Variants in NAP1L4 observed in about 807,000 individuals in gnomAD.
The protein encoded by NAP1L4 is nucleosome assembly protein 1 like 4, also known as nucleosome assembly protein 1-like 4.
In NAP1L4, 15 loss-of-function variants were observed where a neutral mutation model predicts 58.2. The observed-to-expected ratio is 0.26, with a 90% CI of 0.17 to 0.40. NAP1L4 has a LOEUF of 0.40. Among genes scored for constraint, NAP1L4 ranks in the 10% least tolerant of loss-of-function variants. The probability of loss-of-function intolerance (pLI) is 1.00; values close to 1 mark genes in which losing one functional copy is unlikely to be tolerated. For missense variants in NAP1L4, 384 were observed against 451.1 expected, an observed-to-expected ratio of 0.85 and a Z score of 1.35; for synonymous variants, 171 against 155.6, an observed-to-expected ratio of 1.10 and a Z score of -0.74.
intron 2 of NAP1L4, among the ~76,000 whole-genome samples, chr11:2,978,776 C>T (rs1428314833): frequency 6.6e-6 from 1 of 152,168 alleles, no homozygotes; most frequent in African/African-American, 2.4e-5. Flanking sequence ...TTAGCCACAA[C>T]AAGTGTAAAA....
rs1280856952 is a variant in NAP1L4 at position 2,946,672 on chromosome 11, G to GA, written c.*33-1027dup. ...TGGAAATCACATTTAAGGGATGGCCGAAAAAATATGTGTAAAATATGCAAA... is the reference window on the plus strand; with the variant it reads ...TGGAAATCACATTTAAGGGATGGCCGAAAAAAATATGTGTAAAATATGCAAA... On this transcript the variant is annotated intron_variant, in intron 15 of 15. Transcript: ENST00000380542. The surrounding 1 kb of genome is among the most constrained non-coding windows in gnomAD (Gnocchi z 4.8). Among the ~76,000 whole-genome samples, 2 of 152,256 alleles carry GA rather than the reference G, an allele frequency of 1.3e-5. No homozygotes were observed. Among genetic ancestry groups the GA allele is most frequent in the African/African-American group, 4.8e-5 (2 of 41,548 alleles).
chr11:2,987,756 C>CAAA (rs57754393), intron 1 of NAP1L4, among the ~76,000 whole-genome samples: 7,510 of 70,344 alleles, frequency 0.11, 556 homozygotes, highest in African/African-American at 0.16. Flanking sequence ...GACTCCACCT[C>CAAA]AAAAAAAAAA....
intron 8 of NAP1L4, among the ~76,000 whole-genome samples, chr11:2,961,162 C>CA (rs1244800250): frequency 6.6e-6 from 1 of 151,810 alleles, no homozygotes; most frequent in African/African-American, 2.4e-5. Context: ...AAATATACAG[C>CA]AAAAAAAGTT....
rs1845967948 is a variant in NAP1L4, at chr11:2,946,909, C to T, written c.*33-1263G>A. Among the ~76,000 whole-genome samples, 1 of 152,078 alleles carries T rather than the reference C, an allele frequency of 6.6e-6. No homozygotes were observed. On this transcript the variant is annotated intron_variant, in intron 15 of 15. Transcript: ENST00000380542. This position sits in a 1 kb window ranked among gnomAD's most constrained non-coding sequence, Gnocchi z 4.8. The stretch of plus-strand genomic sequence containing the variant: ...TAGGAGTGTGGGGGATGCAGGGCGC[C>T]CCGAGCAGGAGCAGTGAGGGGAGGA...
At position 2,946,114 on chromosome 11, in the gene NAP1L4, T is replaced by C. The variant is rs575868719; in HGVS notation, c.*33-468A>G. 6.6e-6 allele frequency among the ~76,000 whole-genome samples: 1 copy of C among 152,158 alleles called. No homozygotes were observed. Among genetic ancestry groups the C allele is most frequent in the Non-Finnish European group, 1.5e-5 (1 of 68,026 alleles). On this transcript the variant is annotated intron_variant, in intron 15 of 15. Transcript: ENST00000380542. This position sits in a 1 kb window ranked among gnomAD's most constrained non-coding sequence, Gnocchi z 4.8. ...GGGTAGGCTGGGCCCTTGGCGCTCA[T>C]GGAAAGCACATCTCTCCTCTAGCGG... is the stretch of plus-strand genomic sequence containing the variant.
chr11:2,985,369 CA>C (rs1351195000), intron 1 of NAP1L4, among the ~76,000 whole-genome samples: 2 of 151,336 alleles, frequency 1.3e-5, no homozygotes, highest in Non-Finnish European at 1.5e-5. Context: ...AAGGAACTAT[CA>C]AATATACAGG....
chr11:2,950,966 T>C, intron 14 of NAP1L4: 1 of 340,056 alleles, frequency 2.9e-6, no homozygotes, highest in Non-Finnish European at 5.3e-6. Context: ...ATCATTACCT[T>C]ACCTTAAAAG....
Position 2,951,804 on chromosome 11 carries a change from T to C in NAP1L4, c.1041A>G (p.Glu347=), listed in dbSNP as rs1302802086. The C allele has an allele frequency of 1.2e-6, 2 of 1,613,988 alleles. No homozygotes were observed. The highest frequency in any genetic ancestry group is 1.7e-5 in the Admixed American group (1 of 59,996). The change falls in exon 13 of 16, where the codon GAA becomes GAG. Residue 347 remains glutamate, a synonymous_variant. Transcript: ENST00000380542. The surrounding 1 kb of genome is among the most constrained non-coding windows in gnomAD (Gnocchi z 4.0). Reference sequence around the variant, plus strand: ...CCTCCTCTTCTCCTTCTTCACCTTCTTCAAACTGGAGAAACACAGAAAAAC... The same window carrying C: ...CCTCCTCTTCTCCTTCTTCACCTTCCTCAAACTGGAGAAACACAGAAAAAC... ...GEAIEDDDNF[E]EGEEGEEEEL... is the part of the protein sequence containing the mutation.
Position 2,949,157 on chromosome 11 carries a change from C to G in NAP1L4, c.*32+70G>C. 8.0e-7 allele frequency: 1 copy of G among 1,254,422 alleles called. No individual in the cohort carries two copies. Among genetic ancestry groups the G allele is most frequent in the Non-Finnish European group, 1.1e-6 (1 of 870,488 alleles). The allele number at this position is 1,254,422 out of a possible 1,614,324, so 77.7% of individuals were successfully genotyped here. A position where few individuals can be genotyped will look rare whatever the true frequency, so the allele number is the denominator to read the frequency against. On this transcript the variant is annotated intron_variant, in intron 15 of 15. Transcript: ENST00000380542. The surrounding 1 kb of genome is among the most constrained non-coding windows in gnomAD (Gnocchi z 4.0). ...CAGCAACTCCCTCTTTATTCAAAGT[C>G]AAAACAATGCATTGTATAAAGTATA...
Position 2,971,461 on chromosome 11 carries a change from T to A in NAP1L4, c.389A>T (p.Glu130Val), listed in dbSNP as rs1167421056. 1 of 1,613,750 alleles carries A rather than the reference T, an allele frequency of 6.2e-7. No homozygotes were observed. The highest frequency in any genetic ancestry group is 1.1e-5 in the South Asian group (1 of 91,066). Residue 130 changes from glutamate (E) to valine (V), a missense_variant, in exon 6 of 16, where the codon GAA becomes GTA. Glu to Val is a moderately radical substitution (Grantham distance 121). Transcript: ENST00000380542. This position sits in a 1 kb window ranked among gnomAD's most constrained non-coding sequence, Gnocchi z 4.2. ...CTAAAGACTTACAGCCAATTTCTCTTCCTCTTCATTTTCACTGTGCCATTC... is the reference window on the plus strand; with the variant it reads ...CTAAAGACTTACAGCCAATTTCTCTACCTCTTCATTTTCACTGTGCCATTC... ...ESEWHSENEE[E>V]EKLAGDMKSK...
intron 1 of NAP1L4, among the ~76,000 whole-genome samples, chr11:2,982,891 C>G (rs1848410260): frequency 6.6e-6 from 1 of 152,036 alleles, no homozygotes; most frequent in Non-Finnish European, 1.5e-5. Context: ...CATGGTGGCA[C>G]TCGCCTGTAA....
chr11:2,986,920 C>CACCCAG (rs71035460), intron 1 of NAP1L4, among the ~76,000 whole-genome samples: 124,514 of 151,316 alleles, frequency 0.82, 51,474 homozygotes, highest in East Asian at 0.91. Context: ...TGAGCCACCG[C>CACCCAG]ACTCTAAGAT....
At chr11:2,990,955 T>A in intron 1 of NAP1L4, 2 of 360,002 alleles carry the variant, frequency 5.6e-6, no homozygotes, top group Non-Finnish European at 1.1e-5. Flanking sequence ...ATTTCTAAGG[T>A]AAGAGAATTT....
chr11:2,946,222 GCTGCCACTCCCAAGAGCTCCAT>G lies in NAP1L4; in HGVS notation c.*33-598_*33-577del, dbSNP rs1314195244. 1.3e-5 allele frequency among the ~76,000 whole-genome samples: 2 copies of G among 152,120 alleles called. No homozygotes were observed. Among genetic ancestry groups the G allele is most frequent in the Middle Eastern group, 3.2e-3 (1 of 316 alleles). Reference sequence around the variant, plus strand: ...CCTGTACTGCACCAACAAATGATGAGCTGCCACTCCCAAGAGCTCCATCTGTCACTCACTCTCCTTCACTCTC... The same window carrying G: ...CCTGTACTGCACCAACAAATGATGAGCTGTCACTCACTCTCCTTCACTCTC... On this transcript the variant is annotated intron_variant, in intron 15 of 15. Transcript: ENST00000380542. The surrounding 1 kb of genome is among the most constrained non-coding windows in gnomAD (Gnocchi z 4.8).
At chr11:2,965,634 G>A (rs575400544) in intron 7 of NAP1L4, among the ~76,000 whole-genome samples, 4 of 152,004 alleles carry the variant, frequency 2.6e-5, no homozygotes, top group South Asian at 2.1e-4. Flanking sequence ...TGCAAGCTCC[G>A]CCTCCCGGAT....
intron 7 of NAP1L4, among the ~76,000 whole-genome samples, chr11:2,969,513 G>C (rs922268612): frequency 5.3e-5 from 8 of 152,116 alleles, no homozygotes; most frequent in African/African-American, 1.9e-4. Context: ...CCACAGGCAA[G>C]ACAACAGAGC....
chr11:2,986,047 G>A (rs905671505), intron 1 of NAP1L4, among the ~76,000 whole-genome samples: 6 of 152,176 alleles, frequency 3.9e-5, no homozygotes, highest in Non-Finnish European at 8.8e-5. Context: ...ATTTTGAACT[G>A]AAAACATCTA....
At position 2,979,698 on chromosome 11, in the gene NAP1L4, G is replaced by C. The variant is rs540983297; in HGVS notation, c.-17-461C>G. Among the ~76,000 whole-genome samples, 4 of 152,128 alleles carry C rather than the reference G, an allele frequency of 2.6e-5. No homozygotes were observed. The East Asian group carries it at 5.8e-4, about 22-fold the overall frequency. On this transcript the variant is annotated intron_variant, in intron 1 of 15. Transcript: ENST00000380542. Reference sequence around the variant, plus strand: ...GAGGCAGAAGAATCACTTGAACCCAGGAGGCGGAGGTTGCAGCGAGCGGAG... The same window carrying C: ...GAGGCAGAAGAATCACTTGAACCCACGAGGCGGAGGTTGCAGCGAGCGGAG...
At chr11:2,975,029 T>A (rs1223018563) in intron 4 of NAP1L4, among the ~76,000 whole-genome samples, 1 of 151,216 alleles carries the variant, frequency 6.6e-6, no homozygotes, top group East Asian at 1.9e-4. Flanking sequence ...AAAATAAATG[T>A]CCCCTTCTTG....
Sources: allele counts gnomAD v4.1 joint callset (sites outside exome capture counted in the v4.1 genomes callset), GRCh38; gene constraint gnomAD v4.1.1; non-coding constraint Gnocchi (gnomAD v3.1); transcripts MANE v1.5; gene names NCBI Gene and HGNC (gene_info 2026-07-23, HGNC 2026-07-21).